OCLN: variants seen among roughly 807,000 people sequenced by gnomAD.
OCLN encodes the protein occludin.
In OCLN, 21 loss-of-function variants were observed where a neutral mutation model predicts 47.9. That is an observed-to-expected ratio of 0.44 (90% CI 0.31 to 0.63). OCLN has a LOEUF of 0.63. Ranked by LOEUF, OCLN falls within the 30% of genes least tolerant of loss-of-function variation. The pLI is 0.08. For synonymous variants in OCLN, 117 were observed against 198.4 expected (o/e 0.59, Z 3.45); for missense variants, 360 against 571.0 (o/e 0.63, Z 3.77).
At position 69,555,707 on chromosome 5, in the gene OCLN, A is replaced by G. The variant is rs1769962532; in HGVS notation, c.*2036A>G. 6.6e-6 allele frequency: 1 copy of G among 152,114 alleles called. No individual in the cohort carries two copies. The highest frequency in any genetic ancestry group is 1.5e-5 in the Non-Finnish European group (1 of 68,038). The allele number at this position is 152,114 out of a possible 1,614,324, so 9.4% of individuals were successfully genotyped here. Reference sequence around the variant, plus strand: ...CACATAATACAAAAGGTATTTTCATAGTTTTGGATTTATACCAAATGAAAA... The same window carrying G: ...CACATAATACAAAAGGTATTTTCATGGTTTTGGATTTATACCAAATGAAAA... On this transcript the variant is annotated 3_prime_UTR_variant, in exon 9 of 9. Coordinates refer to ENST00000396442, the MANE Select transcript of OCLN (RefSeq NM_001205254.2).
At chr5:69,508,012 A>G (rs1768655212) in intron 2 of OCLN, among the ~76,000 whole-genome samples, 2 of 152,200 alleles carry the variant, frequency 1.3e-5, no homozygotes, top group Admixed American at 6.5e-5. Context: ...AATATTTTAC[A>G]TTCTTTCTTC....
chr5:69,512,036 A>AAAG lies in OCLN; in HGVS notation c.730-1910_730-1909insGAA, dbSNP rs1554053706. 9.1e-4 allele frequency among the ~76,000 whole-genome samples: 134 copies of AAAG among 147,604 alleles called. 2 individuals are homozygous for AAAG. The highest frequency in any genetic ancestry group is 1.9e-3 in the South Asian group (9 of 4,704). ...AAAACTCTGTCTCAAAAAAAAAAAA[A>AAAG]AAAAAAAAATTTTTAGTTTTGATGA... On this transcript the variant is annotated intron_variant, in intron 3 of 8. Coordinates refer to ENST00000396442, the MANE Select transcript of OCLN (RefSeq NM_001205254.2).
At chr5:69,496,216 G>A (rs34406137) in intron 1 of OCLN, among the ~76,000 whole-genome samples, 1 of 151,184 alleles carries the variant, frequency 6.6e-6, no homozygotes, top group Non-Finnish European at 1.5e-5. Flanking sequence ...CTCCTGCCTC[G>A]GCCTCCCGAG....
At chr5:69,524,265 A>G (rs2112029973) in intron 4 of OCLN, among the ~76,000 whole-genome samples, 1 of 152,336 alleles carries the variant, frequency 6.6e-6, no homozygotes, top group Non-Finnish European at 1.5e-5. Flanking sequence ...TTCATAATGA[A>G]CACCTGCAGA....
At position 69,548,375 on chromosome 5, in the gene OCLN, G is replaced by A. The variant is rs201722548; in HGVS notation, c.1425+274G>A. On this transcript the variant is annotated intron_variant, in intron 7 of 8. Coordinates refer to ENST00000396442, the MANE Select transcript of OCLN (RefSeq NM_001205254.2). ...GTTGCCCAGGCTGGAGTGCAGTGGC[G>A]TGATCTCAGCTCACTGCAAGCTCTG... Among the ~76,000 whole-genome samples, 335 of 148,810 alleles carry A rather than the reference G, an allele frequency of 2.3e-3. 7 individuals are homozygous for A. In the East Asian group the frequency reaches 0.056, roughly 25 times the overall value.
intron 1 of OCLN, among the ~76,000 whole-genome samples, chr5:69,503,827 G>C (rs1768522563): frequency 6.6e-6 from 1 of 152,100 alleles, no homozygotes. Context: ...ACTTTGCATT[G>C]AGGAGCTAGT....
At chr5:69,502,196 CAA>C (rs575237563) in intron 1 of OCLN, among the ~76,000 whole-genome samples, 26 of 74,610 alleles carry the variant, frequency 3.5e-4, no homozygotes, top group Non-Finnish European at 5.1e-4. Flanking sequence ...AGACTCGGCT[CAA>C]AAAAAAAAAA....
intron 4 of OCLN, among the ~76,000 whole-genome samples, chr5:69,516,475 T>A (rs997940938): frequency 2.7e-5 from 4 of 150,710 alleles, no homozygotes; most frequent in Admixed American, 6.6e-5. Flanking sequence ...TCGGCATCAG[T>A]GGGAGACCGT....
Position 69,509,425 on chromosome 5 carries a change from G to C in OCLN, c.335G>C (p.Gly112Ala). Residue 112 changes from glycine to alanine, a missense_variant, in exon 3 of 9, where the codon GGT (glycine) becomes GCT (alanine). Transcript: ENST00000396442. The part of the protein sequence containing the change: ...VGYPYGGSGF[G>A]SYGSGYGYGY... Reference sequence around the variant, plus strand: ...TACCCTTATGGAGGAAGTGGCTTTGGTAGCTACGGAAGTGGCTATGGCTAT... The same window carrying C: ...TACCCTTATGGAGGAAGTGGCTTTGCTAGCTACGGAAGTGGCTATGGCTAT... 1 of 1,614,198 alleles carries C rather than the reference G, an allele frequency of 6.2e-7. No individual in the cohort carries two copies.
chr5:69,502,081 C>T (rs1167120303), intron 1 of OCLN, among the ~76,000 whole-genome samples: 1 of 151,882 alleles, frequency 6.6e-6, no homozygotes, highest in Admixed American at 6.6e-5. Flanking sequence ...CGCCTGTAGT[C>T]CCAGCTACTC....
intron 1 of OCLN, among the ~76,000 whole-genome samples, chr5:69,495,591 T>C (rs749696699): frequency 1.3e-5 from 2 of 152,246 alleles, no homozygotes; most frequent in African/African-American, 4.8e-5. Flanking sequence ...CTGTTGGTTT[T>C]ATTAATTGAG....
chr5:69,520,165 G>A (rs1379958910), intron 4 of OCLN, among the ~76,000 whole-genome samples: 1 of 152,026 alleles, frequency 6.6e-6, no homozygotes, highest in African/African-American at 2.4e-5. Flanking sequence ...TGTCATGTTG[G>A]CCAGGCTGGT....
Position 69,533,118 on chromosome 5 carries a change from T to TAC in OCLN, c.892-1560_892-1559dup, listed in dbSNP as rs1030177396. On this transcript the variant is annotated intron_variant, in intron 4 of 8. Transcript: ENST00000396442. ...ACACACACACACACACATATATATA[T>TAC]ACACACACACACACACATATATATA... Among the ~76,000 whole-genome samples, 1,383 of 145,454 alleles carry TAC rather than the reference T, an allele frequency of 9.5e-3. 19 individuals are homozygous for TAC. Among genetic ancestry groups the TAC allele is most frequent in the African/African-American group, 0.029 (1,049 of 36,540 alleles).
chr5:69,525,167 C>G (rs1004605791), intron 4 of OCLN, among the ~76,000 whole-genome samples: 7 of 150,476 alleles, frequency 4.7e-5, no homozygotes, highest in Non-Finnish European at 8.9e-5. Context: ...TGCAGTGGTG[C>G]GATCTCGGCT....
chr5:69,507,335 A>G (rs1264473373), intron 2 of OCLN, among the ~76,000 whole-genome samples: 1 of 152,130 alleles, frequency 6.6e-6, no homozygotes, highest in African/African-American at 2.4e-5. Flanking sequence ...GGGTTTCGCC[A>G]TGTTGGCCAG....
chr5:69,525,548 C>T (rs1295001175), intron 4 of OCLN, among the ~76,000 whole-genome samples: 1 of 152,150 alleles, frequency 6.6e-6, no homozygotes, highest in Non-Finnish European at 1.5e-5. Context: ...TATATTTCTT[C>T]TGAACATGTC....
intron 4 of OCLN, among the ~76,000 whole-genome samples, chr5:69,522,943 T>C (rs1561344232): frequency 1.4e-5 from 2 of 147,036 alleles, no homozygotes; most frequent in African/African-American, 5.1e-5. Flanking sequence ...GCCCAGGCTA[T>C]TCTTGAACTC....
At chr5:69,515,126 T>C (rs867905635) in intron 4 of OCLN, among the ~76,000 whole-genome samples, 3,358 of 84,388 alleles carry the variant, frequency 0.04, 83 homozygotes, top group African/African-American at 0.13. Flanking sequence ...CCTCACCTCC[T>C]GGACCGGGCG....
At chr5:69,531,126 T>C (rs1769420418) in intron 4 of OCLN, among the ~76,000 whole-genome samples, 1 of 152,242 alleles carries the variant, frequency 6.6e-6, no homozygotes, top group African/African-American at 2.4e-5. Flanking sequence ...CTTCAATATT[T>C]GGCTAATTGT....
Sources: allele counts gnomAD v4.1 joint callset (sites outside exome capture counted in the v4.1 genomes callset), GRCh38; gene constraint gnomAD v4.1.1; transcripts MANE v1.5; gene names NCBI Gene and HGNC (gene_info 2026-07-23, HGNC 2026-07-21).